The following POLR1A variants were observed in gnomAD, a reference collection of about 807,000 sequenced individuals.
POLR1A encodes RNA polymerase I subunit A.
POLR1A carries 84 observed loss-of-function variants against 205.3 expected under a neutral mutation model. The ratio of observed to expected loss-of-function variants is 0.41; its 90% CI spans 0.34 to 0.49. The LOEUF (loss-of-function observed/expected upper bound fraction) is 0.49. Among genes scored for constraint, POLR1A ranks in the 20% least tolerant of loss-of-function variants. POLR1A has a pLI of 0.22. For missense variants in POLR1A, 1,645 were observed against 2,204.5 expected, an observed-to-expected ratio of 0.75 and a Z score of 5.08; for synonymous variants, 799 against 863.7, an observed-to-expected ratio of 0.93 and a Z score of 1.31.
chr2:86,096,686 CTT>C (rs1404028344), intron 3 of POLR1A, among the ~76,000 whole-genome samples: 1 of 152,102 alleles, frequency 6.6e-6, no homozygotes, highest in East Asian at 1.9e-4. Context: ...AGGACAGTGC[CTT>C]TAATAAATGA....
intron 9 of POLR1A, among the ~76,000 whole-genome samples, chr2:86,079,117 A>G (rs182326885): frequency 1.3e-5 from 2 of 152,338 alleles, no homozygotes; most frequent in East Asian, 3.9e-4. Flanking sequence ...AAGATTCAGT[A>G]AACGAGAATG....
chr2:86,029,808 G>T (rs1362974740), intron 31 of POLR1A, among the ~76,000 whole-genome samples: 2 of 151,848 alleles, frequency 1.3e-5, no homozygotes, highest in Non-Finnish European at 2.9e-5. Flanking sequence ...CACCGTGTTA[G>T]CCAGGATGGT....
At chr2:86,062,518 G>A (rs1673015460) in intron 14 of POLR1A, among the ~76,000 whole-genome samples, 1 of 152,004 alleles carries the variant, frequency 6.6e-6, no homozygotes, top group South Asian at 2.1e-4. Flanking sequence ...TGAAGTAGAT[G>A]AAATGAAAAC....
At chr2:86,076,711 G>C (rs1023019538) in intron 11 of POLR1A, among the ~76,000 whole-genome samples, 2 of 152,214 alleles carry the variant, frequency 1.3e-5, no homozygotes, top group Non-Finnish European at 2.9e-5. Flanking sequence ...ATCTAAGAAA[G>C]AGAACCCAGC....
At chr2:86,088,348 C>A (rs1673539599) in intron 6 of POLR1A, among the ~76,000 whole-genome samples, 1 of 152,244 alleles carries the variant, frequency 6.6e-6, no homozygotes. Context: ...GGCACTGCCT[C>A]ATAAAACAGC....
At position 86,045,767 on chromosome 2, in the gene POLR1A, G is replaced by A. The variant is rs371365735; in HGVS notation, c.2736C>T (p.Ile912=). 9 of 1,603,248 alleles carry A rather than the reference G, an allele frequency of 5.6e-6. No individual in the cohort carries two copies. Among genetic ancestry groups the A allele is most frequent in the East Asian group, 2.2e-5 (1 of 44,824 alleles). Residue 912 remains isoleucine, a splice_region_variant and synonymous_variant, in exon 20 of 34, where the codon ATC becomes ATT. Transcript: ENST00000263857. The part of the protein sequence containing the change: ...AKGSTVNTMQ[I]SCLLGQIELE... ...GTTCAATCTGGCCCAGCAGGCACGA[G>A]ATCTGGAGGACAGGAAATCCACAGG...
Position 86,071,227 on chromosome 2 carries a change from C to CGTGTGCGCGCGTGT in POLR1A, c.1612-956_1612-955insACACGCGCGCACAC, listed in dbSNP as rs1558777042. On this transcript the variant is annotated intron_variant, in intron 12 of 33. Coordinates refer to ENST00000263857, the MANE Select transcript of POLR1A (RefSeq NM_015425.6). ...CCCAGCTTCTCTCTCTCTCCGTGTG[C>CGTGTGCGCGCGTGT]ATGTGTGTGTGTGTGTGTGTGTGTG... is the stretch of plus-strand genomic sequence containing the variant. Among the ~76,000 whole-genome samples, 297 of 147,352 alleles carry CGTGTGCGCGCGTGT rather than the reference C, an allele frequency of 2.0e-3. 3 individuals carry two copies. Among genetic ancestry groups the CGTGTGCGCGCGTGT allele is most frequent in the South Asian group, 0.018 (85 of 4,720 alleles).
intron 6 of POLR1A, among the ~76,000 whole-genome samples, chr2:86,087,565 C>T (rs187574394): frequency 3.3e-5 from 5 of 152,186 alleles, no homozygotes; most frequent in African/African-American, 7.2e-5. Context: ...TTTTCTGAGA[C>T]GGAGTCTTGC....
At chr2:86,040,284 G>T in intron 25 of POLR1A, 108 bp downstream of exon 25, 1 of 886,562 alleles carries the variant, frequency 1.1e-6, no homozygotes, top group Non-Finnish European at 1.6e-6. Context: ...CTCTCACACA[G>T]ACACACTCTC....
intron 4 of POLR1A, among the ~76,000 whole-genome samples, chr2:86,089,437 T>C (rs1337766350): frequency 6.6e-6 from 1 of 152,232 alleles, no homozygotes; most frequent in Non-Finnish European, 1.5e-5. Context: ...GTGAATTATC[T>C]ACCCATTCAT....
At chr2:86,047,625 G>A (rs1032719384) in intron 18 of POLR1A, among the ~76,000 whole-genome samples, 1 of 152,234 alleles carries the variant, frequency 6.6e-6, no homozygotes, top group African/African-American at 2.4e-5. Flanking sequence ...TTAAGGTGAT[G>A]CCCTTGATTC....
intron 29 of POLR1A, 61 bp downstream of exon 29, chr2:86,032,211 C>T (rs1176107126): frequency 4.3e-6 from 5 of 1,165,618 alleles, no homozygotes. Context: ...GATAATCCCT[C>T]CAGGTTAACA....
intron 6 of POLR1A, among the ~76,000 whole-genome samples, chr2:86,083,933 G>A (rs1673448664): frequency 6.6e-6 from 1 of 152,116 alleles, no homozygotes; most frequent in South Asian, 2.1e-4. Flanking sequence ...CGAGGCTTGG[G>A]ACTGCCATTC....
rs776118071 is a variant in POLR1A, at chr2:86,098,650, G to T, written c.393C>A (p.Ala131=). 1 of 1,613,494 alleles carries T rather than the reference G, an allele frequency of 6.2e-7. No homozygotes were observed. The highest frequency in any genetic ancestry group is 8.5e-7 in the Non-Finnish European group (1 of 1,179,846). Residue 131 remains alanine (A), a synonymous_variant, in exon 3 of 34, where the codon GCC becomes GCA. Transcript: ENST00000263857. ...TCTCAAGCTCGTAGACTGCTTGTAG[G>T]GCCCCGACTTCCAGAACCCTCAGCT... ...LCQLRVLEVG[A]LQAVYELERI...
chr2:86,073,814 C>T (rs1165778646), intron 12 of POLR1A, among the ~76,000 whole-genome samples: 1 of 152,224 alleles, frequency 6.6e-6, no homozygotes, highest in Non-Finnish European at 1.5e-5. Flanking sequence ...CTCCTAGTCT[C>T]TTTCTCATCC....
chr2:86,051,960 C>T (rs1011904456), intron 16 of POLR1A, among the ~76,000 whole-genome samples: 1 of 152,190 alleles, frequency 6.6e-6, no homozygotes, highest in Non-Finnish European at 1.5e-5. Flanking sequence ...AGTGGGAAGG[C>T]GTGGGCAGTT....
chr2:86,047,964 C>T (rs1305377749), intron 18 of POLR1A, among the ~76,000 whole-genome samples: 4 of 152,186 alleles, frequency 2.6e-5, no homozygotes, highest in African/African-American at 4.8e-5. Context: ...CTTCCCTACT[C>T]CTAGCATCCC....
At position 86,033,716 on chromosome 2, in the gene POLR1A, G is replaced by A. The variant is rs1367009796; in HGVS notation, c.4106C>T (p.Thr1369Ile). 1 of 1,614,068 alleles carries A rather than the reference G, an allele frequency of 6.2e-7. No individual in the cohort carries two copies. The highest frequency in any genetic ancestry group is 1.3e-5 in the African/African-American group (1 of 75,068). Residue 1369 changes from threonine (T) to isoleucine (I), a missense_variant, in exon 28 of 34, where the codon ACT becomes ATT. Physicochemically the swap from Thr to Ile is moderately conservative, Grantham distance 89. Coordinates refer to ENST00000263857, the MANE Select transcript of POLR1A (RefSeq NM_015425.6). ...CAGATCCCGCTGTGTAGCTCTTCGA[G>A]TGTTTACGTTCCTGAAAGCTGATGC... The part of the protein sequence containing the change: ...NKASAFRNVN[T>I]RRATQRDLDN...
In POLR1A at chr2:86,039,220, A is replaced by T. The variant is rs1672554761; in HGVS notation, c.3876+107T>A. ...GACAGCTTATCTCTCATTGGTGGGA[A>T]TCTGAGCCTAGGGTCAGAGCAGTAA... On this transcript the variant is annotated intron_variant, in intron 26 of 33. Transcript: ENST00000263857. The T allele has an allele frequency of 2.4e-6, 3 of 1,237,186 alleles. No homozygotes were observed. In the South Asian group the frequency reaches 4.1e-5, roughly 17 times the overall value. The allele number at this position is 1,237,186 out of a possible 1,614,324, so 76.6% of individuals were successfully genotyped here. A position where few individuals can be genotyped will look rare whatever the true frequency, so the allele number is the denominator to read the frequency against.
Sources: gnomAD v4.1 joint callset for allele counts (sites outside exome capture counted in the v4.1 genomes callset) on GRCh38, gnomAD v4.1.1 for gene constraint, MANE v1.5 for transcripts, NCBI Gene and HGNC (gene_info 2026-07-23, HGNC 2026-07-21) for gene names.